Variants in UNC5D observed in about 807,000 individuals in gnomAD.
UNC5D encodes netrin receptor UNC5D.
In UNC5D, 39 loss-of-function variants were observed where a neutral mutation model predicts 105.4. The ratio of observed to expected loss-of-function variants is 0.37; its 90% CI spans 0.29 to 0.48. The LOEUF (loss-of-function observed/expected upper bound fraction) is 0.48, where lower values mean the gene tolerates loss of function less well. Ranked by LOEUF, UNC5D falls within the 20% of genes least tolerant of loss-of-function variation. UNC5D has a pLI of 0.98. For synonymous variants in UNC5D, 452 were observed against 450.4 expected, an observed-to-expected ratio of 1.00 and a Z score of -0.04; for missense variants, 991 against 1,202.4, an observed-to-expected ratio of 0.82 and a Z score of 2.60.
intron 1 of UNC5D, among the ~76,000 whole-genome samples, chr8:35,374,946 T>G (rs1410703465): frequency 6.6e-6 from 1 of 152,294 alleles, no homozygotes; most frequent in Non-Finnish European, 1.5e-5. Flanking sequence ...AGAAAATTAG[T>G]TTTATTATAA....
intron 1 of UNC5D, among the ~76,000 whole-genome samples, chr8:35,473,452 C>T (rs1809878005): frequency 6.6e-6 from 1 of 152,034 alleles, no homozygotes; most frequent in Admixed American, 6.6e-5. Context: ...TGAGCAAATC[C>T]CTCACACACT....
intron 1 of UNC5D, among the ~76,000 whole-genome samples, chr8:35,399,900 G>A (rs1413212198): frequency 1.3e-5 from 2 of 152,160 alleles, no homozygotes; most frequent in Non-Finnish European, 2.9e-5. Flanking sequence ...GAAGGGAAAT[G>A]TGAGAATAGG....
chr8:35,278,459 A>T (rs1805924073), intron 1 of UNC5D, among the ~76,000 whole-genome samples: 1 of 152,136 alleles, frequency 6.6e-6, no homozygotes, highest in Non-Finnish European at 1.5e-5. Context: ...ATTCCTTATT[A>T]AAAAAATAGT....
At chr8:35,529,165 G>A (rs1340976897) in intron 1 of UNC5D, among the ~76,000 whole-genome samples, 8 of 137,146 alleles carry the variant, frequency 5.8e-5, no homozygotes, top group African/African-American at 2.4e-4. Flanking sequence ...TTTCTTCTAG[G>A]GTTTTTATGG....
chr8:35,460,195 G>A (rs1470964671), intron 1 of UNC5D, among the ~76,000 whole-genome samples: 1 of 152,184 alleles, frequency 6.6e-6, no homozygotes, highest in East Asian at 1.9e-4. Context: ...GCAGTGTGAT[G>A]CCAGATATTA....
intron 1 of UNC5D, among the ~76,000 whole-genome samples, chr8:35,512,826 G>T (rs1430270297): frequency 6.6e-6 from 1 of 151,744 alleles, no homozygotes; most frequent in African/African-American, 2.4e-5. Flanking sequence ...AAATTATGGA[G>T]ATGAGGTTGT....
chr8:35,758,612 G>T (rs1830620009), intron 13 of UNC5D, among the ~76,000 whole-genome samples: 1 of 152,156 alleles, frequency 6.6e-6, no homozygotes, highest in Admixed American at 6.5e-5. Flanking sequence ...TGGAACCAAT[G>T]AAATGGTTTA....
chr8:35,774,177 T>A, intron 15 of UNC5D, 122 bp from the exon 16 acceptor site: 1 of 1,014,904 alleles, frequency 9.9e-7, no homozygotes, highest in Admixed American at 2.4e-5. Flanking sequence ...TTTTATAGAG[T>A]CCATCACAAC....
chr8:35,307,164 C>T (rs1040502418), intron 1 of UNC5D, among the ~76,000 whole-genome samples: 1 of 152,164 alleles, frequency 6.6e-6, no homozygotes, highest in African/African-American at 2.4e-5. Context: ...AGAAAGTTTA[C>T]GAATTTTTGT....
intron 1 of UNC5D, among the ~76,000 whole-genome samples, chr8:35,356,426 G>A (rs1482932449): frequency 6.6e-6 from 1 of 152,040 alleles, no homozygotes; most frequent in African/African-American, 2.4e-5. Context: ...TCACCAGTTG[G>A]AACACATTTT....
chr8:35,531,147 ATT>A (rs1458779193), intron 1 of UNC5D, among the ~76,000 whole-genome samples: 1 of 94,890 alleles, frequency 1.1e-5, no homozygotes, highest in East Asian at 3.0e-4. Flanking sequence ...TAGGGTGTCA[ATT>A]TTGGATCTTT....
At chr8:35,621,288 G>C (rs1421802723) in intron 4 of UNC5D, among the ~76,000 whole-genome samples, 1 of 152,196 alleles carries the variant, frequency 6.6e-6, no homozygotes, top group Non-Finnish European at 1.5e-5. Flanking sequence ...ACATGTGCCT[G>C]TGAGCCCGGG....
At chr8:35,679,256 A>G (rs1825489672) in intron 4 of UNC5D, among the ~76,000 whole-genome samples, 1 of 152,176 alleles carries the variant, frequency 6.6e-6, no homozygotes, top group Non-Finnish European at 1.5e-5. Context: ...CAAAAAATAA[A>G]AAGGAAAAAA....
chr8:35,637,931 A>G (rs1822483115), intron 4 of UNC5D, among the ~76,000 whole-genome samples: 3 of 152,262 alleles, frequency 2.0e-5, no homozygotes, highest in South Asian at 2.1e-4. Context: ...ATGATAGACC[A>G]GGTCAGTCTA....
intron 1 of UNC5D, among the ~76,000 whole-genome samples, chr8:35,321,748 G>C (rs993350942): frequency 6.6e-6 from 1 of 152,180 alleles, no homozygotes; most frequent in East Asian, 1.9e-4. Flanking sequence ...TTAGGGGTCA[G>C]TCTTCCTTGA....
At chr8:35,493,300 A>C (rs1221003951) in intron 1 of UNC5D, among the ~76,000 whole-genome samples, 2 of 151,196 alleles carry the variant, frequency 1.3e-5, no homozygotes, top group Non-Finnish European at 3.0e-5. Flanking sequence ...AAAAAAAAAA[A>C]AAAACACACC....
chr8:35,728,189 G>A (rs1415517001), intron 10 of UNC5D, among the ~76,000 whole-genome samples: 1 of 149,842 alleles, frequency 6.7e-6, no homozygotes, highest in Non-Finnish European at 1.5e-5. Flanking sequence ...TCTTGCTCAT[G>A]CTTGGCACTT....
intron 2 of UNC5D, among the ~76,000 whole-genome samples, chr8:35,561,517 T>C (rs1816964333): frequency 6.6e-6 from 1 of 151,274 alleles, no homozygotes; most frequent in African/African-American, 2.5e-5. Context: ...AAATACTTTA[T>C]TGAAAAAAAA....
rs1024174773 is a variant in UNC5D at position 35,378,435 on chromosome 8, G to A, written c.103+142548G>A. ...CCGTGACATCTATCAGGACACAAAG[G>A]GTGCTTCAAGCATTTTTGCAAGACT... On this transcript the variant is annotated intron_variant, in intron 1 of 16. Transcript: ENST00000404895. Among the ~76,000 whole-genome samples the A allele has an allele frequency of 2.0e-5, 3 of 152,234 alleles. No individual in the cohort carries two copies. The South Asian group carries it at 6.2e-4, about 32-fold the overall frequency.
Sources: gnomAD v4.1 joint callset for allele counts (sites outside exome capture counted in the v4.1 genomes callset) on GRCh38, gnomAD v4.1.1 for gene constraint, MANE v1.5 for transcripts, NCBI Gene and HGNC (gene_info 2026-07-23, HGNC 2026-07-21) for gene names.